Variants in PRMT3 observed in about 807,000 individuals in gnomAD.
PRMT3 encodes protein arginine methyltransferase 3.
PRMT3 carries 62 observed loss-of-function variants against 71.9 expected under a neutral mutation model. The ratio of observed to expected loss-of-function variants is 0.86; its 90% CI spans 0.70 to 1.07. The LOEUF (loss-of-function observed/expected upper bound fraction) is 1.07, where lower values mean the gene tolerates loss of function less well. Ranked by LOEUF, PRMT3 falls within the 50% of genes least tolerant of loss-of-function variation. The probability of loss-of-function intolerance (pLI) is 0.00; values close to 1 mark genes in which losing one functional copy is unlikely to be tolerated. For synonymous variants in PRMT3, 213 were observed against 220.4 expected (o/e 0.97, Z 0.30); for missense variants, 663 against 643.0 (o/e 1.03, Z -0.34).
rs201657855 is a variant in PRMT3 at position 20,462,103 on chromosome 11, T to C, written c.1196T>C (p.Ile399Thr). 3.3e-4 allele frequency: 528 copies of C among 1,613,036 alleles called. No homozygotes were observed. The highest frequency in any genetic ancestry group is 4.1e-4 in the Non-Finnish European group (489 of 1,179,386). ...ATGTCCTGCATGAAGAAAGCAGTTA[T>C]TCCAGAAGCTGTTGTGGAAGTTTTA... is the stretch of plus-strand genomic sequence containing the variant. ...FKMSCMKKAV[I>T]PEAVVEVLDP... Residue 399 changes from isoleucine to threonine, a missense_variant, in exon 12 of 16, where the codon ATT becomes ACT. By Grantham distance (89) the Ile-to-Thr change is moderately conservative. Coordinates refer to ENST00000331079, the MANE Select transcript of PRMT3 (RefSeq NM_005788.4).
At chr11:20,390,479 C>T (rs1333281133) in intron 3 of PRMT3, among the ~76,000 whole-genome samples, 5 of 152,190 alleles carry the variant, frequency 3.3e-5, no homozygotes, top group African/African-American at 1.2e-4. Context: ...AAAAGACAAT[C>T]AGCTCAAAGC....
intron 9 of PRMT3, among the ~76,000 whole-genome samples, chr11:20,416,884 C>T (rs1189524948): frequency 6.6e-6 from 1 of 152,012 alleles, no homozygotes. Context: ...AGAATTCTTG[C>T]TTTTTGTTGA....
chr11:20,470,533 A>G (rs1245354358), intron 13 of PRMT3, among the ~76,000 whole-genome samples: 2 of 151,668 alleles, frequency 1.3e-5, no homozygotes, highest in Admixed American at 1.3e-4. Context: ...ACAGCTCTCA[A>G]CTCCATCCAC....
At chr11:20,453,002 C>T (rs1850183965) in intron 11 of PRMT3, among the ~76,000 whole-genome samples, 1 of 152,112 alleles carries the variant, frequency 6.6e-6, no homozygotes, top group Non-Finnish European at 1.5e-5. Flanking sequence ...CACTTACCTC[C>T]CTGCATCTTA....
chr11:20,493,920 C>T lies in PRMT3; in HGVS notation c.1349C>T (p.Ala450Val), dbSNP rs946305377. The change falls in exon 14 of 16, where the codon GCA becomes GTA. Residue 450 changes from alanine (A) to valine (V), a missense_variant and splice_region_variant. Physicochemically the swap from Ala to Val is moderately conservative, Grantham distance 64. Coordinates refer to ENST00000331079, the MANE Select transcript of PRMT3 (RefSeq NM_005788.4). ...TATATTTCTTTTTTTAAAAAACAGG[C>T]AATTGCTGGCTACTTTGATATATAT... ...LKITRTSMCT[A>V]IAGYFDIYFE... The T allele has an allele frequency of 1.3e-6, 2 of 1,577,912 alleles. No individual in the cohort carries two copies. Among genetic ancestry groups the T allele is most frequent in the Admixed American group, 1.7e-5 (1 of 57,650 alleles).
At chr11:20,408,789 CACTCTTA>C (rs1201372468) in intron 9 of PRMT3, among the ~76,000 whole-genome samples, 1 of 152,118 alleles carries the variant, frequency 6.6e-6, no homozygotes, top group East Asian at 1.9e-4. Flanking sequence ...ATTGCTGTTC[CACTCTTA>C]AGATTGATTA....
chr11:20,426,913 T>G (rs761957805), intron 10 of PRMT3, 48 bp downstream of exon 10: 19 of 1,475,804 alleles, frequency 1.3e-5, no homozygotes, highest in African/African-American at 4.5e-5. Context: ...ATGAAAAAAC[T>G]TTTTTAAAGT....
chr11:20,488,743 C>T (rs2133445842), intron 13 of PRMT3, among the ~76,000 whole-genome samples: 1 of 152,298 alleles, frequency 6.6e-6, no homozygotes, highest in South Asian at 2.1e-4. Flanking sequence ...TACATACACA[C>T]AATGTGTCCT....
Position 20,402,979 on chromosome 11 carries a change from G to T in PRMT3, c.766G>T (p.Asp256Tyr). 6.3e-7 allele frequency: 1 copy of T among 1,586,918 alleles called. No homozygotes were observed. Among genetic ancestry groups the T allele is most frequent in the South Asian group, 1.1e-5 (1 of 90,488 alleles). ...ATACCAAAATCCACATATCTTCAAA[G>T]ACAAGGTAAGTAGTATAGGTTATAG... ...FIYQNPHIFK[D>Y]KVVLDVGCGT... The change falls in exon 8 of 16, where the codon GAC becomes TAC. Residue 256 changes from aspartate to tyrosine, a missense_variant. Physicochemically the swap from Asp to Tyr is radical, Grantham distance 160. Transcript: ENST00000331079.
intron 12 of PRMT3, 80 bp from the exon 13 acceptor site, chr11:20,464,380 G>C: frequency 6.8e-7 from 1 of 1,471,052 alleles, no homozygotes; most frequent in Non-Finnish European, 9.0e-7. Flanking sequence ...GTTTGTCTGG[G>C]TTGTTTTTGT....
At chr11:20,415,494 G>A (rs1293747977) in intron 9 of PRMT3, among the ~76,000 whole-genome samples, 1 of 147,416 alleles carries the variant, frequency 6.8e-6, no homozygotes, top group Non-Finnish European at 1.5e-5. Context: ...ATGACCATAG[G>A]CAAAGAGGTC....
rs114734283 is a variant in PRMT3, at chr11:20,460,908, C to T, written c.1073-1072C>T. 9.5e-3 allele frequency among the ~76,000 whole-genome samples: 1,445 copies of T among 152,286 alleles called. 31 individuals carry two copies. The highest frequency in any genetic ancestry group is 0.034 in the African/African-American group (1,394 of 41,564). ...CCCACAGCAATATCCTAGTTCAGAT[C>T]ACCTGGTTTATTTTAACTATCTCTT... On this transcript the variant is annotated intron_variant, in intron 11 of 15. Transcript: ENST00000331079.
rs142405511 is a variant in PRMT3 at position 20,472,586 on chromosome 11, A to T, written c.1347+8040A>T. On this transcript the variant is annotated intron_variant, in intron 13 of 15. Coordinates refer to ENST00000331079, the MANE Select transcript of PRMT3 (RefSeq NM_005788.4). ...AATTCAGTTTGCCAATATTTTGTTGAGGATTTTTGCATTGATGTTCATCAA... is the reference window on the plus strand; with the variant it reads ...AATTCAGTTTGCCAATATTTTGTTGTGGATTTTTGCATTGATGTTCATCAA... Among the ~76,000 whole-genome samples the T allele has an allele frequency of 9.7e-4, 147 of 152,156 alleles. 1 individual carries two copies. The highest frequency in any genetic ancestry group is 3.3e-3 in the African/African-American group (137 of 41,534).
chr11:20,411,002 G>A (rs1318226318), intron 9 of PRMT3, among the ~76,000 whole-genome samples: 1 of 151,992 alleles, frequency 6.6e-6, no homozygotes, highest in Non-Finnish European at 1.5e-5. Context: ...AATACTTACA[G>A]GATTCGATAC....
intron 11 of PRMT3, among the ~76,000 whole-genome samples, chr11:20,459,232 G>A (rs985356288): frequency 1.3e-5 from 2 of 152,088 alleles, no homozygotes; most frequent in Admixed American, 6.6e-5. Flanking sequence ...TAAAACTTCA[G>A]CAAGATTTTA....
intron 15 of PRMT3, among the ~76,000 whole-genome samples, chr11:20,503,510 C>A (rs1851506772): frequency 6.6e-6 from 1 of 152,136 alleles, no homozygotes; most frequent in African/African-American, 2.4e-5. Context: ...TATGGTCAGT[C>A]CCCAACCGTG....
intron 15 of PRMT3, among the ~76,000 whole-genome samples, chr11:20,502,096 C>T (rs1471501772): frequency 3.9e-5 from 6 of 152,156 alleles, no homozygotes; most frequent in African/African-American, 4.8e-5. Context: ...TCTTGAACTA[C>T]GGCACTGCTT....
intron 13 of PRMT3, among the ~76,000 whole-genome samples, chr11:20,466,690 A>T (rs1036924): frequency 7.4e-4 from 113 of 152,144 alleles, no homozygotes; most frequent in Admixed American, 1.9e-3. Context: ...TGTATCCTTC[A>T]GTCATCTTAG....
intron 10 of PRMT3, among the ~76,000 whole-genome samples, chr11:20,448,570 CT>C (rs960863038): frequency 2.0e-4 from 30 of 151,486 alleles, no homozygotes; most frequent in African/African-American, 6.3e-4. Flanking sequence ...CTTGTCTTAC[CT>C]TTTTTTTAAT....
Sources: gnomAD v4.1 joint callset for allele counts (sites outside exome capture counted in the v4.1 genomes callset) on GRCh38, gnomAD v4.1.1 for gene constraint, MANE v1.5 for transcripts, NCBI Gene and HGNC (gene_info 2026-07-23, HGNC 2026-07-21) for gene names.